Variants in MROH2B observed in about 807,000 individuals in gnomAD.
MROH2B encodes the protein maestro heat like repeat family member 2B, also known as maestro heat-like repeat-containing protein family member 2B.
In MROH2B, 177 loss-of-function variants were observed where a neutral mutation model predicts 208.6. The observed-to-expected ratio is 0.85, with a 90% CI of 0.75 to 0.96. The LOEUF (loss-of-function observed/expected upper bound fraction) is 0.96. MROH2B is among the 40% of genes least tolerant of loss of function. The pLI, the probability that MROH2B is intolerant of heterozygous loss-of-function variation, is 0.00. For missense variants in MROH2B, 2,002 were observed against 1,878.7 expected (o/e 1.07, Z -1.21); for synonymous variants, 728 against 659.0 (o/e 1.10, Z -1.60).
intron 24 of MROH2B, among the ~76,000 whole-genome samples, chr5:41,029,798 G>T (rs1257887617): frequency 6.6e-6 from 1 of 151,948 alleles, no homozygotes; most frequent in Non-Finnish European, 1.5e-5. Context: ...TGCATCTCGG[G>T]AATACAAAAG....
intron 39 of MROH2B, chr5:41,000,010 T>C (rs1741335181): frequency 1.4e-6 from 1 of 702,852 alleles, no homozygotes; most frequent in Non-Finnish European, 2.3e-6. Context: ...AAGGAGAATA[T>C]ATCCCAGTCA....
chr5:41,008,923 G>C, intron 32 of MROH2B, 130 bp from the exon 33 acceptor site: 1 of 976,068 alleles, frequency 1.0e-6, no homozygotes, highest in East Asian at 2.6e-5. Context: ...TTATTGTCTG[G>C]AAATTTCTCA....
intron 24 of MROH2B, 110 bp from the exon 25 acceptor site, chr5:41,019,128 C>T (rs1742059170): frequency 2.3e-6 from 3 of 1,295,310 alleles, no homozygotes; most frequent in Non-Finnish European, 3.2e-6. Flanking sequence ...TAACGTGTCA[C>T]ATTTTCTGAC....
intron 15 of MROH2B, 75 bp downstream of exon 15, chr5:41,049,026 T>TA: frequency 7.1e-7 from 1 of 1,398,936 alleles, no homozygotes; most frequent in East Asian, 2.5e-5. Flanking sequence ...GTAATTTATA[T>TA]TAGCACTTAT....
In MROH2B at chr5:41,064,418, A is replaced by T. The variant is rs1008260963; in HGVS notation, c.460+54T>A. On this transcript the variant is annotated intron_variant, in intron 5 of 41. Transcript: ENST00000399564. ...AAAACAAGACTTTTGCTTAATTTGTAAGACAGTTCACAGCCTGGTTTTTAA... is the reference window on the plus strand; with the variant it reads ...AAAACAAGACTTTTGCTTAATTTGTTAGACAGTTCACAGCCTGGTTTTTAA... 4.1e-6 allele frequency: 6 copies of T among 1,448,678 alleles called. No individual in the cohort carries two copies. In the Admixed American group the frequency reaches 9.0e-5, roughly 22 times the overall value. The allele number at this position is 1,448,678 out of a possible 1,614,324, so 89.7% of individuals were successfully genotyped here.
At chr5:41,025,989 C>T (rs1255602946) in intron 24 of MROH2B, among the ~76,000 whole-genome samples, 1 of 152,096 alleles carries the variant, frequency 6.6e-6, no homozygotes, top group Non-Finnish European at 1.5e-5. Flanking sequence ...TTCAACAGCC[C>T]CTCATGCTAA....
At chr5:41,046,537 A>C (rs1393820094) in intron 17 of MROH2B, among the ~76,000 whole-genome samples, 4 of 152,148 alleles carry the variant, frequency 2.6e-5, no homozygotes, top group African/African-American at 9.7e-5. Flanking sequence ...AATGCCAAAC[A>C]AAACCAATGA....
chr5:41,025,555 C>G (rs1245220258), intron 24 of MROH2B, among the ~76,000 whole-genome samples: 1 of 152,042 alleles, frequency 6.6e-6, no homozygotes, highest in Non-Finnish European at 1.5e-5. Context: ...AGCTTACCAA[C>G]CAAAAAAAGT....
chr5:41,016,711 C>T (rs768266722), intron 28 of MROH2B, among the ~76,000 whole-genome samples: 1 of 151,816 alleles, frequency 6.6e-6, no homozygotes, highest in Non-Finnish European at 1.5e-5. Context: ...GAACTCCTGA[C>T]CTCAAGTGAC....
intron 29 of MROH2B, among the ~76,000 whole-genome samples, chr5:41,013,645 G>T (rs191365468): frequency 2.0e-5 from 3 of 152,236 alleles, no homozygotes; most frequent in Admixed American, 1.3e-4. Context: ...CTATACCATG[G>T]CTACCATTCT....
chr5:41,022,933 G>T (rs892584571), intron 24 of MROH2B, among the ~76,000 whole-genome samples: 2 of 118,430 alleles, frequency 1.7e-5, no homozygotes, highest in Non-Finnish European at 4.4e-5. Context: ...AGGCAAACAG[G>T]GTCTGGAGTG....
chr5:41,045,117 T>C (rs1276018945), intron 18 of MROH2B, among the ~76,000 whole-genome samples: 3 of 152,154 alleles, frequency 2.0e-5, no homozygotes, highest in East Asian at 1.9e-4. Flanking sequence ...GTAGGGGCCA[T>C]TTAGAGACAG....
intron 5 of MROH2B, 62 bp from the exon 6 acceptor site, chr5:41,061,786 T>C (rs1743651067): frequency 1.3e-6 from 2 of 1,519,080 alleles, no homozygotes. Context: ...GACGATAAAA[T>C]AATTTGAGAA....
intron 40 of MROH2B, 62 bp downstream of exon 40, chr5:40,999,615 C>A: frequency 6.8e-7 from 1 of 1,463,968 alleles, no homozygotes; most frequent in South Asian, 1.3e-5. Flanking sequence ...AGCTTCTGGT[C>A]AAAGCAAAAC....
intron 4 of MROH2B, 80 bp from the exon 5 acceptor site, chr5:41,064,650 G>A (rs932570674): frequency 1.9e-5 from 19 of 1,021,774 alleles, no homozygotes; most frequent in Non-Finnish European, 2.8e-5. Context: ...TCAACAAGAA[G>A]CATTTCAGGG....
chr5:41,004,804 G>C lies in MROH2B; in HGVS notation c.3981C>G (p.Leu1327=), dbSNP rs759114326. 3.1e-6 allele frequency: 5 copies of C among 1,613,886 alleles called. No homozygotes were observed. The East Asian group carries it at 8.9e-5, about 29-fold the overall frequency. ...GAGGAGCCCCGGATGCTGTGTTGCCGAGCCCTCGGATGGCCATCTGCCTCA... is the reference window on the plus strand; with the variant it reads ...GAGGAGCCCCGGATGCTGTGTTGCCCAGCCCTCGGATGGCCATCTGCCTCA... ...ATLRQMAIRG[L]GNTASGAPHK... The change falls in exon 36 of 42, where the codon CTC becomes CTG. Residue 1327 remains leucine (L), a synonymous_variant. Coordinates refer to ENST00000399564, the MANE Select transcript of MROH2B (RefSeq NM_173489.5).
chr5:41,010,195 A>T, intron 30 of MROH2B, 116 bp from the exon 31 acceptor site: 1 of 926,192 alleles, frequency 1.1e-6, no homozygotes, highest in South Asian at 2.3e-5. Flanking sequence ...AATGTTAAAA[A>T]TAATAATTGA....
Position 41,007,394 on chromosome 5 carries a change from C to A in MROH2B, c.3669G>T (p.Lys1223Asn), listed in dbSNP as rs954354172. The A allele has an allele frequency of 6.4e-7, 1 of 1,561,466 alleles. No homozygotes were observed. Among genetic ancestry groups the A allele is most frequent in the Non-Finnish European group, 8.7e-7 (1 of 1,151,928 alleles). The change falls in exon 34 of 42, where the codon AAG (lysine) becomes AAT (asparagine). Residue 1223 changes from lysine to asparagine, a missense_variant. Physicochemically the swap from Lys to Asn is moderately conservative, Grantham distance 94 (BLOSUM62 0). Coordinates refer to ENST00000399564, the MANE Select transcript of MROH2B (RefSeq NM_173489.5). Reference sequence around the variant, plus strand: ...ATAAGTTGTCCCCCTCATCAGATTCCTTTGCAAGGCCTTCTCTCATGGCTT... The same window carrying A: ...ATAAGTTGTCCCCCTCATCAGATTCATTTGCAAGGCCTTCTCTCATGGCTT... ...QAQAMREGLA[K>N]ESDEGDNLWT...
In MROH2B at chr5:41,067,153, G is replaced by A. The variant is rs1479645801; in HGVS notation, c.156C>T (p.Val52=). The part of the protein sequence containing the change: ...QNTDILDDAI[V]QRLIYYASKD... ...TAGAAGCATAATAAATCAATCGTTGGACAATTGCATCATCCAAGATGTCAG... is the reference window on the plus strand; with the variant it reads ...TAGAAGCATAATAAATCAATCGTTGAACAATTGCATCATCCAAGATGTCAG... Residue 52 remains valine, a synonymous_variant, in exon 3 of 42, where the codon GTC becomes GTT. Coordinates refer to ENST00000399564, the MANE Select transcript of MROH2B (RefSeq NM_173489.5). The A allele has an allele frequency of 4.5e-6, 7 of 1,556,134 alleles. No homozygotes were observed. The highest frequency in any genetic ancestry group is 6.1e-6 in the Non-Finnish European group (7 of 1,148,602).
Sources: allele counts gnomAD v4.1 joint callset (sites outside exome capture counted in the v4.1 genomes callset), GRCh38; gene constraint gnomAD v4.1.1; transcripts MANE v1.5; gene names NCBI Gene and HGNC (gene_info 2026-07-23, HGNC 2026-07-21).